Variants in FBXO8 observed in about 807,000 individuals in gnomAD.
FBXO8 encodes the protein F-box only protein 8.
FBXO8 carries 15 observed loss-of-function variants against 33.4 expected under a neutral mutation model. The ratio of observed to expected loss-of-function variants is 0.45; its 90% CI spans 0.30 to 0.69. The LOEUF (loss-of-function observed/expected upper bound fraction) is 0.69. Among genes scored for constraint, FBXO8 ranks in the 30% least tolerant of loss-of-function variants. The pLI, the probability that FBXO8 is intolerant of heterozygous loss-of-function variation, is 0.08. For missense variants in FBXO8, 274 were observed against 380.3 expected (o/e 0.72, Z 2.32); for synonymous variants, 132 against 131.5 (o/e 1.00, Z -0.02).
chr4:174,243,856 A>G (rs1173246282), intron 3 of FBXO8, among the ~76,000 whole-genome samples: 1 of 151,288 alleles, frequency 6.6e-6, no homozygotes, highest in Middle Eastern at 3.2e-3. Context: ...GTAGCTCAGT[A>G]TAGTCTACAA....
At chr4:174,239,443 T>C (rs1735976007) in intron 4 of FBXO8, among the ~76,000 whole-genome samples, 1 of 151,848 alleles carries the variant, frequency 6.6e-6, no homozygotes, top group Non-Finnish European at 1.5e-5. Flanking sequence ...ATTTTACTTC[T>C]AAAATGAAGA....
At chr4:174,246,695 G>A (rs1197464920) in intron 3 of FBXO8, among the ~76,000 whole-genome samples, 2 of 151,928 alleles carry the variant, frequency 1.3e-5, no homozygotes, top group Non-Finnish European at 2.9e-5. Flanking sequence ...TGCTGCAGGG[G>A]CAGCAAAGCC....
At chr4:174,239,780 T>C (rs952866416) in intron 4 of FBXO8, among the ~76,000 whole-genome samples, 2 of 151,840 alleles carry the variant, frequency 1.3e-5, no homozygotes, top group South Asian at 2.1e-4. Context: ...CCTATTGATA[T>C]ACATTTAGCT....
chr4:174,247,582 C>A lies in FBXO8; in HGVS notation c.457-6364G>T, dbSNP rs1244405216. ...TCTAACTTTTCTTTCAACATGATAA[C>A]CAATATATTATTTTTCAAGTATACA... On this transcript the variant is annotated intron_variant, in intron 3 of 5. Coordinates refer to ENST00000393674, the MANE Select transcript of FBXO8 (RefSeq NM_012180.3). This position sits in a 1 kb window ranked among gnomAD's most constrained non-coding sequence, Gnocchi z 4.6. 2.0e-5 allele frequency among the ~76,000 whole-genome samples: 3 copies of A among 151,758 alleles called. No homozygotes were observed. The highest frequency in any genetic ancestry group is 4.4e-5 in the Non-Finnish European group (3 of 67,918).
chr4:174,268,592 C>T (rs982172823), intron 1 of FBXO8, among the ~76,000 whole-genome samples: 1 of 104,362 alleles, frequency 9.6e-6, no homozygotes, highest in African/African-American at 3.3e-5. Flanking sequence ...CCTGCTACCA[C>T]GCCCGGCTAA....
In FBXO8 at chr4:174,251,122, A is replaced by G. The variant is rs1736276171; in HGVS notation, c.456+8577T>C. On this transcript the variant is annotated intron_variant, in intron 3 of 5. Transcript: ENST00000393674. This position sits in a 1 kb window ranked among gnomAD's most constrained non-coding sequence, Gnocchi z 4.2. ...AATAAAAAATTGTTCATTGTAGCAT[A>G]TCATATTTTAATATTAAAAATTTAA... Among the ~76,000 whole-genome samples the G allele has an allele frequency of 6.6e-6, 1 of 152,188 alleles. No homozygotes were observed. The highest frequency in any genetic ancestry group is 1.9e-4 in the East Asian group (1 of 5,196).
In FBXO8 at chr4:174,241,352, A is replaced by C; in HGVS notation, c.457-134T>G. On this transcript the variant is annotated intron_variant, in intron 3 of 5. Transcript: ENST00000393674. This position sits in a 1 kb window ranked among gnomAD's most constrained non-coding sequence, Gnocchi z 4.2. The stretch of plus-strand genomic sequence containing the variant: ...ACTTTTTGTAGCTTTATCATGCAAA[A>C]TACAAGCTAGAACTTGAACTGAAAC... 1 of 519,346 alleles carries C rather than the reference A, an allele frequency of 1.9e-6. No homozygotes were observed. Among genetic ancestry groups the C allele is most frequent in the Non-Finnish European group, 3.4e-6 (1 of 291,886 alleles). 32.2% of individuals were successfully genotyped at this position (519,346 alleles called of 1,614,324 possible). A position where few individuals can be genotyped will look rare whatever the true frequency, so the allele number is the denominator to read the frequency against.
rs1298407535 is a variant in FBXO8, at chr4:174,256,963, G to T, written c.456+2736C>A. ...AACTCTCAATAACAATGGAAGGTAG[G>T]ATAGATAAGTAAAATCTGAAGATCT... On this transcript the variant is annotated intron_variant, in intron 3 of 5. Transcript: ENST00000393674. This position sits in a 1 kb window ranked among gnomAD's most constrained non-coding sequence, Gnocchi z 4.6. Among the ~76,000 whole-genome samples the T allele has an allele frequency of 6.6e-6, 1 of 151,874 alleles. No individual in the cohort carries two copies. The highest frequency in any genetic ancestry group is 1.5e-5 in the Non-Finnish European group (1 of 67,958).
At position 174,263,521 on chromosome 4, in the gene FBXO8, G is replaced by C. The variant is rs545302896; in HGVS notation, c.-8-421C>G. ...AGACCCTGCTTTTTATCACAATTCA[G>C]TCTAAGCTAAGCTAGCTCCTTTTAA... On this transcript the variant is annotated intron_variant, in intron 1 of 5. Transcript: ENST00000393674. The surrounding 1 kb of genome is among the most constrained non-coding windows in gnomAD (Gnocchi z 4.2). Among the ~76,000 whole-genome samples the C allele has an allele frequency of 6.6e-6, 1 of 152,198 alleles. No individual in the cohort carries two copies. Among genetic ancestry groups the C allele is most frequent in the South Asian group, 2.1e-4 (1 of 4,814 alleles).
chr4:174,269,678 CAA>C (rs34352151), intron 1 of FBXO8, among the ~76,000 whole-genome samples: 8 of 117,054 alleles, frequency 6.8e-5, no homozygotes, highest in African/African-American at 1.0e-4. Flanking sequence ...AGACTCGTCT[CAA>C]AAAAAAAAAA....
At chr4:174,250,188 T>A (rs1736254603) in intron 3 of FBXO8, among the ~76,000 whole-genome samples, 1 of 152,028 alleles carries the variant, frequency 6.6e-6, no homozygotes, top group Admixed American at 6.6e-5. Context: ...GCACAGAGGT[T>A]AAATAACTTG....
rs1484936591 is a variant in FBXO8, at chr4:174,277,544, A to G, written c.-9+5866T>C. On this transcript the variant is annotated intron_variant, in intron 1 of 5. Transcript: ENST00000393674. The surrounding 1 kb of genome is among the most constrained non-coding windows in gnomAD (Gnocchi z 4.9). ...CACAGGGAAAGATGGCAAGAATAGA[A>G]AGGAGTCCGGATGTCTCAAAAAAGC... 6.6e-6 allele frequency among the ~76,000 whole-genome samples: 1 copy of G among 152,196 alleles called. No homozygotes were observed. Among genetic ancestry groups the G allele is most frequent in the African/African-American group, 2.4e-5 (1 of 41,474 alleles).
intron 3 of FBXO8, among the ~76,000 whole-genome samples, chr4:174,243,572 G>A (rs563695311): frequency 1.1e-4 from 15 of 141,324 alleles, no homozygotes; most frequent in African/African-American, 3.5e-4. Context: ...AATCACTTTC[G>A]CACCAACGTA....
At chr4:174,282,385 C>T (rs1051569246) in intron 1 of FBXO8, among the ~76,000 whole-genome samples, 6 of 152,060 alleles carry the variant, frequency 3.9e-5, no homozygotes, top group African/African-American at 1.2e-4. Context: ...TTGTTTTAAG[C>T]TGGGGTAAAT....
intron 1 of FBXO8, among the ~76,000 whole-genome samples, chr4:174,276,040 GAATT>G (rs1487415260): frequency 5.3e-5 from 8 of 152,084 alleles, no homozygotes; most frequent in Admixed American, 2.0e-4. Context: ...TAAGCTATAT[GAATT>G]AATTTGGATT....
In FBXO8 at chr4:174,254,653, C is replaced by T. The variant is rs993617396; in HGVS notation, c.456+5046G>A. On this transcript the variant is annotated intron_variant, in intron 3 of 5. Transcript: ENST00000393674. This position sits in a 1 kb window ranked among gnomAD's most constrained non-coding sequence, Gnocchi z 4.2. ...CTTACCCTTACTGTCCAAAGTAATACTTCCCTTTCCAAATCAGATGGTAAT... is the reference window on the plus strand; with the variant it reads ...CTTACCCTTACTGTCCAAAGTAATATTTCCCTTTCCAAATCAGATGGTAAT... 2.6e-5 allele frequency among the ~76,000 whole-genome samples: 4 copies of T among 152,142 alleles called. No homozygotes were observed. Among genetic ancestry groups the T allele is most frequent in the East Asian group, 3.9e-4 (2 of 5,192 alleles).
At chr4:174,239,703 T>C (rs1263849672) in intron 4 of FBXO8, among the ~76,000 whole-genome samples, 1 of 151,902 alleles carries the variant, frequency 6.6e-6, no homozygotes, top group African/African-American at 2.4e-5. Context: ...GCTTTGTATA[T>C]CTTTATACCT....
At position 174,275,635 on chromosome 4, in the gene FBXO8, T is replaced by G. The variant is rs1272973401; in HGVS notation, c.-9+7775A>C. The stretch of plus-strand genomic sequence containing the variant: ...GTAAATGATACCTTAATAAAGATGT[T>G]TTATAAAAAGGAATTAGAAACTCTA... On this transcript the variant is annotated intron_variant, in intron 1 of 5. Transcript: ENST00000393674. The surrounding 1 kb of genome is among the most constrained non-coding windows in gnomAD (Gnocchi z 4.4). 1.3e-5 allele frequency among the ~76,000 whole-genome samples: 2 copies of G among 152,174 alleles called. No individual in the cohort carries two copies.
At position 174,259,752 on chromosome 4, in the gene FBXO8, A is replaced by G. The variant is rs1199403054; in HGVS notation, c.403T>C (p.Leu135=). The G allele has an allele frequency of 1.2e-6, 2 of 1,612,162 alleles. No individual in the cohort carries two copies. The highest frequency in any genetic ancestry group is 2.7e-5 in the African/African-American group (2 of 74,802). Reference sequence around the variant, plus strand: ...CTGCCTTCATCCAGCTGCATATACAATTTTCTAAAAGAAAATCCTAAAGGT... The same window carrying G: ...CTGCCTTCATCCAGCTGCATATACAGTTTTCTAAAAGAAAATCCTAAAGGT... ...NPPLGFSFRK[L]YMQLDEGSLT... Residue 135 remains leucine, a synonymous_variant, in exon 3 of 6, where the codon TTG becomes CTG. Coordinates refer to ENST00000393674, the MANE Select transcript of FBXO8 (RefSeq NM_012180.3). The surrounding 1 kb of genome is among the most constrained non-coding windows in gnomAD (Gnocchi z 4.3).
Sources: gnomAD v4.1 joint callset for allele counts (sites outside exome capture counted in the v4.1 genomes callset) on GRCh38, gnomAD v4.1.1 for gene constraint, Gnocchi (gnomAD v3.1) non-coding constraint, MANE v1.5 for transcripts, NCBI Gene and HGNC (gene_info 2026-07-23, HGNC 2026-07-21) for gene names.